Variants in NFKBIA observed in about 807,000 individuals in gnomAD.
NFKBIA encodes the protein NF-kappa-B inhibitor alpha.
In NFKBIA, 10 loss-of-function variants were observed where a neutral mutation model predicts 36.3. The ratio of observed to expected loss-of-function variants is 0.28; its 90% CI spans 0.17 to 0.47. NFKBIA has a LOEUF of 0.47. Ranked by LOEUF, NFKBIA falls within the 20% of genes least tolerant of loss-of-function variation. NFKBIA has a pLI of 0.99. For missense variants in NFKBIA, 355 were observed against 399.3 expected (o/e 0.89, Z 0.94); for synonymous variants, 205 against 164.4 (o/e 1.25, Z -1.89).
Position 35,401,918 on chromosome 14 carries a change from C to T in NFKBIA, c.*95G>A, listed in dbSNP as rs958847774. On this transcript the variant is annotated 3_prime_UTR_variant, in exon 6 of 6. Transcript: ENST00000216797. ...GTGTGCAGTGTGGATATAAGTACACCCTTTAAATTTTTTCTTCTTTTTTCT... is the reference window on the plus strand; with the variant it reads ...GTGTGCAGTGTGGATATAAGTACACTCTTTAAATTTTTTCTTCTTTTTTCT... 5.7e-6 allele frequency: 8 copies of T among 1,404,470 alleles called. No individual in the cohort carries two copies. The African/African-American group carries it at 1.2e-4, about 20-fold the overall frequency. The allele number at this position is 1,404,470 out of a possible 1,614,324, so 87.0% of individuals were successfully genotyped here.
At chr14:35,403,063 C>T in intron 3 of NFKBIA, 87 bp downstream of exon 3, 1 of 1,469,398 alleles carries the variant, frequency 6.8e-7, no homozygotes, top group Non-Finnish European at 9.4e-7. Flanking sequence ...TAAGCTCTTG[C>T]CTGGACTCCT....
rs2138830454 is a variant in NFKBIA at position 35,402,460 on chromosome 14, C to A, written c.840G>T (p.Leu280=). Reference sequence around the variant, plus strand: ...AGCTCTCCTCATCCTCACTCTCTGGCAGCATCTGAAGGTTTTCTAGTGTCA... The same window carrying A: ...AGCTCTCCTCATCCTCACTCTCTGGAAGCATCTGAAGGTTTTCTAGTGTCA... ...GQLTLENLQM[L]PESEDEESYD... Residue 280 remains leucine (L), a synonymous_variant, in exon 5 of 6, where the codon CTG becomes CTT. Transcript: ENST00000216797. The A allele has an allele frequency of 5.6e-6, 9 of 1,614,208 alleles. No individual in the cohort carries two copies. The highest frequency in any genetic ancestry group is 7.6e-6 in the Non-Finnish European group (9 of 1,180,036).
At position 35,402,823 on chromosome 14, in the gene NFKBIA, T is replaced by C. The variant is rs780815318; in HGVS notation, c.584A>G (p.Tyr195Cys). ...CACCAAAAGCTCCACGATGCCCAGGTAGCCATGGATAGAGGCTAAGTGTAG... is the reference window on the plus strand; with the variant it reads ...CACCAAAAGCTCCACGATGCCCAGGCAGCCATGGATAGAGGCTAAGTGTAG... ...TCLHLASIHG[Y>C]LGIVELLVSL... The change falls in exon 4 of 6, where the codon TAC (tyrosine) becomes TGC (cysteine). Residue 195 changes from tyrosine (Y) to cysteine (C), a missense_variant. By Grantham distance (194) the Tyr-to-Cys change is radical. Transcript: ENST00000216797. 20 of 1,614,176 alleles carry C rather than the reference T, an allele frequency of 1.2e-5. No homozygotes were observed. Among genetic ancestry groups the C allele is most frequent in the South Asian group, 6.6e-5 (6 of 91,086 alleles).
intron 1 of NFKBIA, 45 bp downstream of exon 1, chr14:35,404,373 T>TGCCCC: frequency 1.2e-6 from 1 of 803,532 alleles, no homozygotes; most frequent in Non-Finnish European, 1.8e-6. Context: ...GCCGCGCGCG[T>TGCCCC]CCCGCCCTCC....
In NFKBIA at chr14:35,401,947, T is replaced by C. The variant is rs1484158832; in HGVS notation, c.*66A>G. ...TAAATTTTTTCTTCTTTTTTCTTTT[T>C]TTAGAAAAATAAAACTTTTTTTTTG... On this transcript the variant is annotated 3_prime_UTR_variant, in exon 6 of 6. Transcript: ENST00000216797. The C allele has an allele frequency of 2.5e-6, 4 of 1,584,792 alleles. No homozygotes were observed. In the African/African-American group the frequency reaches 4.1e-5, roughly 16 times the overall value.
In NFKBIA at chr14:35,401,651, T is replaced by G; in HGVS notation, c.*362A>C. Reference sequence around the variant, plus strand: ...TTTTCACCCCACATCACTGAACGCTTAACACTCCTGGCTGTTACATGTCAC... The same window carrying G: ...TTTTCACCCCACATCACTGAACGCTGAACACTCCTGGCTGTTACATGTCAC... On this transcript the variant is annotated 3_prime_UTR_variant, in exon 6 of 6. Coordinates refer to ENST00000216797, the MANE Select transcript of NFKBIA (RefSeq NM_020529.3). 1 of 387,436 alleles carries G rather than the reference T, an allele frequency of 2.6e-6. No homozygotes were observed. Among genetic ancestry groups the G allele is most frequent in the East Asian group, 4.4e-5 (1 of 22,582 alleles). 24.0% of individuals were successfully genotyped at this position (387,436 alleles called of 1,614,324 possible).
chr14:35,403,280 G>C lies in NFKBIA; in HGVS notation c.417C>G (p.Leu139=). Residue 139 remains leucine (L), a synonymous_variant, in exon 3 of 6, where the codon CTC becomes CTG. Transcript: ENST00000216797. ...GGGGGGTATTTCCTCGAAAGTCTCG[G>C]AGCTCAGGATCACAGCCAGCTCCCA... ...ALLGAGCDPE[L]RDFRGNTPLH... The C allele has an allele frequency of 6.2e-7, 1 of 1,613,968 alleles. No individual in the cohort carries two copies. Among genetic ancestry groups the C allele is most frequent in the Non-Finnish European group, 8.5e-7 (1 of 1,180,038 alleles).
chr14:35,404,261 G>C (rs981642935), intron 1 of NFKBIA, 157 bp downstream of exon 1: 34 of 425,962 alleles, frequency 8.0e-5, no homozygotes, highest in Non-Finnish European at 1.3e-4. Context: ...CAGCCCTGCA[G>C]CGTTCGGGGC....
intron 5 of NFKBIA, 80 bp downstream of exon 5, chr14:35,402,314 A>G: frequency 1.3e-6 from 2 of 1,543,678 alleles, no homozygotes; most frequent in Non-Finnish European, 1.8e-6. Flanking sequence ...CCCTCTGATA[A>G]GGAGCAGCTC....
intron 3 of NFKBIA, 73 bp downstream of exon 3, chr14:35,403,077 G>A: frequency 6.5e-7 from 1 of 1,539,096 alleles, no homozygotes; most frequent in Non-Finnish European, 8.9e-7. Context: ...GACTCCTTAA[G>A]TTGGCCCACC....
chr14:35,402,733 G>A (rs1594426477), intron 4 of NFKBIA, 38 bp downstream of exon 4: 4 of 1,613,970 alleles, frequency 2.5e-6, no homozygotes, highest in Non-Finnish European at 3.4e-6. Context: ...TAAGCACGAG[G>A]AGCCTGACTC....
At chr14:35,403,396 T>C (rs1171153001) in intron 2 of NFKBIA, 36 bp from the exon 3 acceptor site, 2 of 1,609,126 alleles carry the variant, frequency 1.2e-6, no homozygotes, top group African/African-American at 2.7e-5. Flanking sequence ...AAGTAAGCCA[T>C]GGACCAAACC....
chr14:35,403,009 C>A (rs1594426676), intron 3 of NFKBIA, 141 bp downstream of exon 3: 1 of 1,224,418 alleles, frequency 8.2e-7, no homozygotes, highest in East Asian at 2.5e-5. Flanking sequence ...ATCCAATAGG[C>A]ACTTTGCACA....
At chr14:35,404,309 C>T (rs901774854) in intron 1 of NFKBIA, 109 bp downstream of exon 1, 2 of 781,270 alleles carry the variant, frequency 2.6e-6, no homozygotes, top group African/African-American at 1.8e-5. Flanking sequence ...GCCCGCCCGG[C>T]TGCATCGCTG....
intron 1 of NFKBIA, chr14:35,404,170 A>T: frequency 3.3e-6 from 1 of 305,668 alleles, no homozygotes; most frequent in Non-Finnish European, 6.0e-6. Context: ...GTCTGGGGGG[A>T]GGGGGCGTGT....
intron 2 of NFKBIA, 78 bp from the exon 3 acceptor site, chr14:35,403,438 C>T (rs1005737490): frequency 1.5e-5 from 22 of 1,495,786 alleles, no homozygotes; most frequent in Non-Finnish European, 1.9e-5. Context: ...CCCGTGTCTC[C>T]TGGTTGGGTG....
chr14:35,403,552 G>T, intron 2 of NFKBIA, 138 bp downstream of exon 2: 1 of 870,866 alleles, frequency 1.1e-6, no homozygotes, highest in Non-Finnish European at 1.9e-6. Context: ...TCACTCTCTA[G>T]GATGTGGGCT....
rs2138834385 is a variant in NFKBIA, at chr14:35,404,611, C to T, written c.34G>A (p.Ala12Thr). The change falls in exon 1 of 6, where the codon GCC becomes ACC. Residue 12 changes from alanine to threonine, a missense_variant. Transcript: ENST00000216797. ...FQAAERPQEW[A>T]MEGPRDGLKK... ...AGCCCGTCGCGGGGGCCCTCCATGG[C>T]CCACTCCTGGGGGCGCTCGGCCGCC... 1 of 1,559,224 alleles carries T rather than the reference C, an allele frequency of 6.4e-7. No individual in the cohort carries two copies. Among genetic ancestry groups the T allele is most frequent in the Non-Finnish European group, 8.7e-7 (1 of 1,154,580 alleles).
intron 2 of NFKBIA, 104 bp from the exon 3 acceptor site, chr14:35,403,464 A>T: frequency 7.7e-7 from 1 of 1,291,276 alleles, no homozygotes; most frequent in South Asian, 1.2e-5. Flanking sequence ...CCTCCTAGAC[A>T]GGGGGGTGGG....
Sources: gnomAD v4.1 joint callset for allele counts on GRCh38, gnomAD v4.1.1 for gene constraint, MANE v1.5 for transcripts, NCBI Gene and HGNC (gene_info 2026-07-23, HGNC 2026-07-21) for gene names.